Variants in CPS1 observed in about 807,000 individuals in gnomAD.
The protein encoded by CPS1 is carbamoyl-phosphate synthase 1.
In CPS1, 109 loss-of-function variants were observed where a neutral mutation model predicts 174.6. The observed-to-expected ratio is 0.62, with a 90% CI of 0.53 to 0.73. The LOEUF is 0.73. Ranked by LOEUF, CPS1 falls within the 30% of genes least tolerant of loss-of-function variation. CPS1 has a pLI of 0.00. For missense variants in CPS1, 1,689 were observed against 1,821.9 expected, an observed-to-expected ratio of 0.93 and a Z score of 1.33; for synonymous variants, 637 against 632.0, an observed-to-expected ratio of 1.01 and a Z score of -0.12.
intron 25 of CPS1, among the ~76,000 whole-genome samples, chr2:210,646,452 T>G (rs1199557628): frequency 6.6e-6 from 1 of 152,206 alleles, no homozygotes; most frequent in East Asian, 1.9e-4. Flanking sequence ...AGTTACACAG[T>G]ACCGTAATTG....
At position 210,573,281 on chromosome 2, in the gene CPS1, T is replaced by C; in HGVS notation, c.127-17T>C. On this transcript the variant is annotated splice_polypyrimidine_tract_variant and intron_variant, in intron 1 of 37. Transcript: ENST00000233072. Reference sequence around the variant, plus strand: ...GTATTATGTATTCTGCTAAGATTCATGCAACTGTTTCTTCAGGCACAGACA... The same window carrying C: ...GTATTATGTATTCTGCTAAGATTCACGCAACTGTTTCTTCAGGCACAGACA... 6.3e-7 allele frequency: 1 copy of C among 1,595,688 alleles called. No homozygotes were observed. The highest frequency in any genetic ancestry group is 8.6e-7 in the Non-Finnish European group (1 of 1,163,222).
chr2:210,605,384 A>G (rs1465731724), intron 17 of CPS1, 138 bp downstream of exon 17: 1 of 872,874 alleles, frequency 1.1e-6, no homozygotes, highest in East Asian at 2.6e-5. Flanking sequence ...GGACAAGCAT[A>G]GTATTTTACA....
intron 5 of CPS1, among the ~76,000 whole-genome samples, chr2:210,580,326 A>G (rs1318116319): frequency 6.6e-6 from 1 of 152,050 alleles, no homozygotes; most frequent in Non-Finnish European, 1.5e-5. Flanking sequence ...CAAGGTGATA[A>G]AAGGGAAGGT....
rs1192534859 is a variant in CPS1, at chr2:210,678,042, G to A, written c.*57G>A. On this transcript the variant is annotated 3_prime_UTR_variant, in exon 38 of 38. Transcript: ENST00000233072. ...CAACCTGAGCCACATGTTATCTAAA[G>A]GAACTGATTCACAACTTTCTCAGAG... 1.5e-5 allele frequency: 19 copies of A among 1,287,918 alleles called. No individual in the cohort carries two copies. The highest frequency in any genetic ancestry group is 2.2e-5 in the Non-Finnish European group (19 of 882,496). 79.8% of individuals were successfully genotyped at this position (1,287,918 alleles called of 1,614,324 possible). A position where few individuals can be genotyped will look rare whatever the true frequency, so the allele number is the denominator to read the frequency against.
intron 1 of CPS1, among the ~76,000 whole-genome samples, chr2:210,557,605 G>A (rs1242075314): frequency 2.0e-5 from 3 of 152,086 alleles, no homozygotes; most frequent in East Asian, 3.9e-4. Flanking sequence ...TTATGAAGAC[G>A]TTCATTATCA....
intron 16 of CPS1, among the ~76,000 whole-genome samples, chr2:210,604,742 T>C (rs1460000682): frequency 6.6e-6 from 1 of 151,938 alleles, no homozygotes; most frequent in East Asian, 1.9e-4. Flanking sequence ...TTTTCCATAT[T>C]TATTCACACT....
chr2:210,490,053 A>G (rs367556984), intron 1 of CPS1, among the ~76,000 whole-genome samples: 2 of 145,964 alleles, frequency 1.4e-5, no homozygotes, highest in Admixed American at 1.4e-4. Context: ...AGAAAGGAAG[A>G]AAGGATGGAA....
At chr2:210,514,887 GTTTT>G (rs982742256) in intron 1 of CPS1, among the ~76,000 whole-genome samples, 1 of 141,904 alleles carries the variant, frequency 7.0e-6, no homozygotes, top group African/African-American at 2.6e-5. Flanking sequence ...AGTTTGTTGA[GTTTT>G]TTTTTTTAAT....
At chr2:210,482,454 C>G (rs904766327) in intron 1 of CPS1, among the ~76,000 whole-genome samples, 7 of 152,054 alleles carry the variant, frequency 4.6e-5, no homozygotes, top group African/African-American at 7.2e-5. Context: ...AGACCCGTGC[C>G]ACCACGCCTG....
At chr2:210,560,991 G>T (rs1012143981) in intron 1 of CPS1, among the ~76,000 whole-genome samples, 3 of 152,122 alleles carry the variant, frequency 2.0e-5, no homozygotes, top group Admixed American at 6.6e-5. Flanking sequence ...GAATTAGTTT[G>T]CCTGATGGAC....
At chr2:210,601,577 C>T (rs1012375230) in intron 15 of CPS1, among the ~76,000 whole-genome samples, 12 of 151,908 alleles carry the variant, frequency 7.9e-5, no homozygotes, top group Admixed American at 1.3e-4. Flanking sequence ...TAATTATGTC[C>T]TTGCTTCCTC....
intron 1 of CPS1, among the ~76,000 whole-genome samples, chr2:210,542,132 T>C (rs1696449177): frequency 2.6e-5 from 4 of 152,164 alleles, no homozygotes. Flanking sequence ...CCTTTCAAGA[T>C]AACCTTAACT....
chr2:210,619,940 G>C (rs909470617), intron 21 of CPS1: 1 of 151,822 alleles, frequency 6.6e-6, no homozygotes, highest in African/African-American at 2.4e-5. Context: ...GTTGGGGGGT[G>C]GGGGGCTAAG....
At position 210,594,972 on chromosome 2, in the gene CPS1, T is replaced by C. The variant is rs1235799359; in HGVS notation, c.1263+366T>C. The stretch of plus-strand genomic sequence containing the variant: ...TCATTATAGATGATAGAATTCTTTT[T>C]GTTTCAACTAGAATAACTGTTATTC... On this transcript the variant is annotated intron_variant, in intron 12 of 37. Coordinates refer to ENST00000233072, the MANE Select transcript of CPS1 (RefSeq NM_001875.5). Among the ~76,000 whole-genome samples, 6 of 151,952 alleles carry C rather than the reference T, an allele frequency of 3.9e-5. 1 individual carries two copies. Among genetic ancestry groups the C allele is most frequent in the Admixed American group, 2.6e-4 (4 of 15,230 alleles).
intron 33 of CPS1, among the ~76,000 whole-genome samples, chr2:210,663,457 TC>T (rs1700989149): frequency 6.6e-6 from 1 of 152,226 alleles, no homozygotes; most frequent in South Asian, 2.1e-4. Context: ...CAGGTATTTA[TC>T]TAGACATCCA....
At chr2:210,639,539 G>A (rs2105898003) in intron 23 of CPS1, among the ~76,000 whole-genome samples, 1 of 146,038 alleles carries the variant, frequency 6.8e-6, no homozygotes, top group South Asian at 2.2e-4. Context: ...GTGAACCCGG[G>A]AAGCGGAGCT....
chr2:210,643,716 A>T (rs1700294052), intron 25 of CPS1, among the ~76,000 whole-genome samples: 1 of 152,136 alleles, frequency 6.6e-6, no homozygotes, highest in Non-Finnish European at 1.5e-5. Flanking sequence ...AAGGATGTAT[A>T]ATTATAGTTG....
At chr2:210,640,157 A>G in intron 24 of CPS1, 98 bp downstream of exon 24, 1 of 848,922 alleles carries the variant, frequency 1.2e-6, no homozygotes. Context: ...TATCAAATAA[A>G]TGCTGTAATA....
intron 16 of CPS1, among the ~76,000 whole-genome samples, chr2:210,603,421 A>G (rs1698794203): frequency 6.6e-6 from 1 of 151,968 alleles, no homozygotes; most frequent in Non-Finnish European, 1.5e-5. Flanking sequence ...TGTGAAAATT[A>G]CAAAAAAGGG....
Sources: gnomAD v4.1 joint callset for allele counts (sites outside exome capture counted in the v4.1 genomes callset) on GRCh38, gnomAD v4.1.1 for gene constraint, MANE v1.5 for transcripts, NCBI Gene and HGNC (gene_info 2026-07-23, HGNC 2026-07-21) for gene names.